The following BBOX1 variants were observed in gnomAD, a reference collection of about 807,000 sequenced individuals.
The protein encoded by BBOX1 is gamma-butyrobetaine hydroxylase 1.
A neutral mutation model predicts 41.6 loss-of-function variants in BBOX1; 35 were observed. The ratio of observed to expected loss-of-function variants is 0.84; its 90% CI spans 0.64 to 1.11. The LOEUF is 1.11. Among genes scored for constraint, BBOX1 ranks in the 50% most tolerant of loss-of-function variants. BBOX1 has a pLI of 0.00. For missense variants in BBOX1, 458 were observed against 460.6 expected (o/e 0.99, Z 0.05); for synonymous variants, 163 against 154.7 (o/e 1.05, Z -0.40).
At chr11:27,114,059 T>G (rs1477487030) in intron 5 of BBOX1, among the ~76,000 whole-genome samples, 2 of 151,870 alleles carry the variant, frequency 1.3e-5, no homozygotes, top group Admixed American at 6.6e-5. Flanking sequence ...TTTAGCAAGT[T>G]GCAGGGTGCA....
chr11:27,065,482 C>T (rs577967202), intron 4 of BBOX1, among the ~76,000 whole-genome samples: 4 of 152,136 alleles, frequency 2.6e-5, no homozygotes, highest in Non-Finnish European at 5.9e-5. Context: ...TGGGGCTGCC[C>T]TTGTTCTGAC....
intron 4 of BBOX1, among the ~76,000 whole-genome samples, chr11:27,064,914 A>AG (rs1857237242): frequency 6.6e-6 from 1 of 151,700 alleles, no homozygotes; most frequent in African/African-American, 2.4e-5. Flanking sequence ...ATGAAAAAAA[A>AG]AAACAACAAA....
chr11:27,072,106 A>T (rs1161028142), intron 4 of BBOX1, among the ~76,000 whole-genome samples: 2 of 152,186 alleles, frequency 1.3e-5, no homozygotes, highest in Admixed American at 6.5e-5. Context: ...AAGGGTATTC[A>T]ATTAGGAAAA....
At chr11:27,084,709 C>T (rs1017791265) in intron 4 of BBOX1, among the ~76,000 whole-genome samples, 4 of 152,158 alleles carry the variant, frequency 2.6e-5, no homozygotes, top group Non-Finnish European at 5.9e-5. Flanking sequence ...ACCCAGCATG[C>T]TGTGCTCATG....
chr11:27,097,212 C>T (rs1294137497), intron 5 of BBOX1, among the ~76,000 whole-genome samples: 1 of 151,922 alleles, frequency 6.6e-6, no homozygotes, highest in Non-Finnish European at 1.5e-5. Flanking sequence ...ATCTCATGTC[C>T]TTTCTCCCCC....
chr11:27,104,741 T>A (rs911775143), intron 5 of BBOX1, among the ~76,000 whole-genome samples: 3 of 151,912 alleles, frequency 2.0e-5, no homozygotes, highest in Admixed American at 2.0e-4. Flanking sequence ...TTGAAGAGAG[T>A]AGTGGTTCTC....
At chr11:27,046,877 A>G (rs1851501096) in intron 2 of BBOX1, among the ~76,000 whole-genome samples, 1 of 151,410 alleles carries the variant, frequency 6.6e-6, no homozygotes, top group Middle Eastern at 3.4e-3. Flanking sequence ...ACAAGCTATA[A>G]TTTTCAGAAA....
rs559875466 is a variant in BBOX1, at chr11:27,127,158, C to A, written c.1004-135C>A. ...TGATTTGTGTGGAAAAGTAAATGTG[C>A]AGTTTCATGTAAAGAAATAAGCGAT... is the stretch of plus-strand genomic sequence containing the variant. On this transcript the variant is annotated intron_variant, in intron 8 of 8. Coordinates refer to ENST00000263182, the MANE Select transcript of BBOX1 (RefSeq NM_003986.3). 19 of 960,114 alleles carry A rather than the reference C, an allele frequency of 2.0e-5. No individual in the cohort carries two copies. In the South Asian group the frequency reaches 2.8e-4, roughly 14 times the overall value. 59.5% of individuals were successfully genotyped at this position (960,114 alleles called of 1,614,324 possible). A position where few individuals can be genotyped will look rare whatever the true frequency, so the allele number is the denominator to read the frequency against.
chr11:27,126,729 A>G lies in BBOX1; in HGVS notation c.1004-564A>G, dbSNP rs529524203. ...CTTGCTCTGTCGCCCAGGCTGGAGT[A>G]CAGTGGCGTGATCTCGGCTCACTGC... On this transcript the variant is annotated intron_variant, in intron 8 of 8. Coordinates refer to ENST00000263182, the MANE Select transcript of BBOX1 (RefSeq NM_003986.3). Among the ~76,000 whole-genome samples, 476 of 145,116 alleles carry G rather than the reference A, an allele frequency of 3.3e-3. 3 individuals are homozygous for G. Among genetic ancestry groups the G allele is most frequent in the Non-Finnish European group, 5.6e-3 (377 of 67,054 alleles).
intron 5 of BBOX1, among the ~76,000 whole-genome samples, chr11:27,103,867 T>C (rs1323538548): frequency 2.6e-5 from 4 of 152,138 alleles, no homozygotes; most frequent in Non-Finnish European, 2.9e-5. Flanking sequence ...TTGTTGTTTT[T>C]GTTGTTGTTG....
intron 2 of BBOX1, among the ~76,000 whole-genome samples, chr11:27,044,571 T>A (rs1311173438): frequency 6.6e-6 from 1 of 152,194 alleles, no homozygotes; most frequent in Non-Finnish European, 1.5e-5. Flanking sequence ...TTTTAGGTCT[T>A]GCGTTTAAGT....
chr11:27,057,290 G>A lies in BBOX1; in HGVS notation c.309G>A (p.Lys103=), dbSNP rs1224641074. 5 of 1,611,418 alleles carry A rather than the reference G, an allele frequency of 3.1e-6. No homozygotes were observed. The South Asian group carries it at 5.5e-5, about 18-fold the overall frequency. ...GCTTTTCCAAGCAGGCCAGAGCAAA[G>A]CTCCAAAGAGAATTGTTTTTTCCAG... ...KRCFSKQARA[K]LQRELFFPEC... is the part of the protein sequence containing the mutation. Residue 103 remains lysine (K), a synonymous_variant, in exon 4 of 9, where the codon AAG becomes AAA. Transcript: ENST00000263182.
chr11:27,047,694 T>C (rs1467345466), intron 2 of BBOX1, among the ~76,000 whole-genome samples: 1 of 152,140 alleles, frequency 6.6e-6, no homozygotes, highest in African/African-American at 2.4e-5. Context: ...GAACCTAAGA[T>C]AAATCATCCG....
chr11:27,109,404 A>T (rs1331609849), intron 5 of BBOX1, among the ~76,000 whole-genome samples: 1 of 152,098 alleles, frequency 6.6e-6, no homozygotes, highest in Non-Finnish European at 1.5e-5. Flanking sequence ...CCAAGATTAT[A>T]TAGTTATGAA....
chr11:27,070,075 C>T (rs527707715), intron 4 of BBOX1, among the ~76,000 whole-genome samples: 6 of 152,176 alleles, frequency 3.9e-5, no homozygotes, highest in Admixed American at 3.9e-4. Context: ...GTATTGTTTT[C>T]AGGGTTCCTT....
At chr11:27,072,746 GA>G (rs1268157469) in intron 4 of BBOX1, among the ~76,000 whole-genome samples, 8 of 152,218 alleles carry the variant, frequency 5.3e-5, no homozygotes, top group African/African-American at 1.9e-4. Flanking sequence ...GAACAGAACA[GA>G]GACCTCAGAA....
intron 3 of BBOX1, among the ~76,000 whole-genome samples, chr11:27,056,529 T>C (rs927708273): frequency 6.6e-6 from 1 of 151,996 alleles, no homozygotes; most frequent in Non-Finnish European, 1.5e-5. Flanking sequence ...GTGCTGGGAT[T>C]ACAGGCATAA....
chr11:27,108,946 AG>A (rs1858959548), intron 5 of BBOX1, among the ~76,000 whole-genome samples: 1 of 152,046 alleles, frequency 6.6e-6, no homozygotes, highest in Admixed American at 6.6e-5. Flanking sequence ...AGCTCATAAA[AG>A]TCACCCCTTC....
intron 4 of BBOX1, among the ~76,000 whole-genome samples, chr11:27,059,002 G>C (rs896752589): frequency 3.9e-5 from 6 of 152,196 alleles, no homozygotes; most frequent in African/African-American, 1.4e-4. Context: ...AGTGCTAATA[G>C]CCAAGACAAC....
Sources: allele counts gnomAD v4.1 joint callset (sites outside exome capture counted in the v4.1 genomes callset), GRCh38; gene constraint gnomAD v4.1.1; transcripts MANE v1.5; gene names NCBI Gene and HGNC (gene_info 2026-07-23, HGNC 2026-07-21).